The following WDFY3 variants were observed in gnomAD, a reference collection of about 807,000 sequenced individuals.
WDFY3 encodes WD repeat and FYVE domain containing 3.
WDFY3 carries 66 observed loss-of-function variants against 409.6 expected under a neutral mutation model. The ratio of observed to expected loss-of-function variants is 0.16; its 90% CI spans 0.13 to 0.20. The LOEUF is 0.20. WDFY3 is among the 10% of genes least tolerant of loss of function. The pLI, the probability that WDFY3 is intolerant of heterozygous loss-of-function variation, is 1.00. For synonymous variants in WDFY3, 1,521 were observed against 1,537.1 expected (o/e 0.99, Z 0.25); for missense variants, 3,031 against 4,298.1 (o/e 0.71, Z 8.24).
intron 49 of WDFY3, among the ~76,000 whole-genome samples, chr4:84,716,352 T>C (rs1183348351): frequency 6.9e-6 from 1 of 145,620 alleles, no homozygotes; most frequent in Non-Finnish European, 1.5e-5. Flanking sequence ...GGCAGGAGAA[T>C]GGTGTGAACC....
rs117977424 is a variant in WDFY3, at chr4:84,955,181, C to T, written c.-226+11028G>A. On this transcript the variant is annotated intron_variant, in intron 1 of 67. Coordinates refer to ENST00000295888, the MANE Select transcript of WDFY3 (RefSeq NM_014991.6). Reference sequence around the variant, plus strand: ...TTGTGCCACTGCACTCCAGCCTGGGCGACAGAACAAAACACTGTCTCAAAA... The same window carrying T: ...TTGTGCCACTGCACTCCAGCCTGGGTGACAGAACAAAACACTGTCTCAAAA... Among the ~76,000 whole-genome samples, 401 of 148,734 alleles carry T rather than the reference C, an allele frequency of 2.7e-3. 8 individuals carry two copies. The East Asian group carries it at 0.064, about 24-fold the overall frequency.
Position 84,743,814 on chromosome 4 carries a change from T to C in WDFY3, c.5974-15A>G, listed in dbSNP as rs1330885980. 1.3e-6 allele frequency: 2 copies of C among 1,553,948 alleles called. No homozygotes were observed. The highest frequency in any genetic ancestry group is 1.9e-5 in the Admixed American group (1 of 53,806). On this transcript the variant is annotated splice_polypyrimidine_tract_variant and intron_variant, in intron 36 of 67. Coordinates refer to ENST00000295888, the MANE Select transcript of WDFY3 (RefSeq NM_014991.6). ...TCAGGGGAAGCCTAATCAAGAAAAT[T>C]TAGAATTAGAAACAGAACCAACTAA... is the stretch of plus-strand genomic sequence containing the variant.
At chr4:84,719,884 T>C (rs1734561719) in intron 47 of WDFY3, among the ~76,000 whole-genome samples, 1 of 152,208 alleles carries the variant, frequency 6.6e-6, no homozygotes, top group Admixed American at 6.5e-5. Context: ...TGTATTGTCA[T>C]TCAATATTAA....
chr4:84,939,474 A>C (rs1056185587), intron 1 of WDFY3, among the ~76,000 whole-genome samples: 2 of 152,012 alleles, frequency 1.3e-5, no homozygotes, highest in African/African-American at 2.4e-5. Context: ...TTTAGTTATG[A>C]CTCTTGCCCT....
chr4:84,844,715 T>C (rs1289380803), intron 5 of WDFY3, among the ~76,000 whole-genome samples: 9 of 152,210 alleles, frequency 5.9e-5, no homozygotes, highest in Non-Finnish European at 1.0e-4. Context: ...TTTATGCAGG[T>C]AGGAATTTTC....
chr4:84,780,055 CA>C lies in WDFY3; in HGVS notation c.4365+52del, dbSNP rs1427054048. The C allele has an allele frequency of 7.5e-6, 11 of 1,460,688 alleles. No homozygotes were observed. In the East Asian group the frequency reaches 2.6e-4, roughly 35 times the overall value. 90.5% of individuals were successfully genotyped at this position (1,460,688 alleles called of 1,614,324 possible). ...AACAACATGAATGATAATAAAAAAG[CA>C]GAGTATTTTAGGTGCCAGGTGAAGT... is the stretch of plus-strand genomic sequence containing the variant. On this transcript the variant is annotated intron_variant, in intron 26 of 67. Transcript: ENST00000295888.
intron 39 of WDFY3, 142 bp from the exon 40 acceptor site, chr4:84,739,261 A>T: frequency 1.4e-6 from 1 of 736,278 alleles, no homozygotes; most frequent in Non-Finnish European, 2.2e-6. Context: ...CTAGTTTGCC[A>T]GGAAGATGCC....
chr4:84,778,760 AACACACACAT>A, intron 26 of WDFY3, 105 bp from the exon 27 acceptor site: 2 of 1,073,852 alleles, frequency 1.9e-6, no homozygotes, highest in East Asian at 2.6e-5. Context: ...TACACACACA[AACACACACAT>A]ACACACAGAA....
At chr4:84,861,705 G>C (rs575717567) in intron 3 of WDFY3, among the ~76,000 whole-genome samples, 1 of 152,172 alleles carries the variant, frequency 6.6e-6, no homozygotes, top group Non-Finnish European at 1.5e-5. Context: ...ACTGTGTACT[G>C]AATCATAATG....
chr4:84,803,605 T>G, intron 15 of WDFY3, 138 bp from the exon 16 acceptor site: 1 of 928,464 alleles, frequency 1.1e-6, no homozygotes, highest in Non-Finnish European at 1.6e-6. Context: ...AGGAATATAT[T>G]ATCAACTCGA....
intron 2 of WDFY3, among the ~76,000 whole-genome samples, chr4:84,918,931 T>C (rs2150831973): frequency 6.6e-6 from 1 of 151,672 alleles, no homozygotes; most frequent in African/African-American, 2.4e-5. Context: ...TATCCAGCAA[T>C]AACATATATA....
chr4:84,918,818 T>TATATATATAG, intron 2 of WDFY3, among the ~76,000 whole-genome samples: 1 of 117,648 alleles, frequency 8.5e-6, no homozygotes, highest in East Asian at 2.5e-4. Flanking sequence ...TGTGTGTGTA[T>TATATATATAG]ATATATATAG....
rs1365299732 is a variant in WDFY3 at position 84,834,125 on chromosome 4, T to C, written c.577-2520A>G. On this transcript the variant is annotated intron_variant, in intron 7 of 67. Transcript: ENST00000295888. ...TTGTTGGTTCTGACACTGCCTTATG[T>C]GATTAGCGAGACAAATGCCAGTTTT... Among the ~76,000 whole-genome samples, 3 of 152,216 alleles carry C rather than the reference T, an allele frequency of 2.0e-5. 1 individual carries two copies. In the South Asian group the frequency reaches 6.2e-4, roughly 31 times the overall value.
chr4:84,755,234 C>T, intron 34 of WDFY3, 32 bp downstream of exon 34: 1 of 1,595,772 alleles, frequency 6.3e-7, no homozygotes, highest in African/African-American at 1.4e-5. Context: ...AGGAGGAATT[C>T]TCAATAGGCC....
intron 5 of WDFY3, chr4:84,844,490 C>A (rs776291993): frequency 7.8e-7 from 1 of 1,289,500 alleles, no homozygotes; most frequent in South Asian, 1.2e-5. Flanking sequence ...CCTTGGGGGA[C>A]AGCAGGGCAC....
intron 33 of WDFY3, 25 bp downstream of exon 33, chr4:84,756,901 G>C: frequency 6.3e-7 from 1 of 1,597,688 alleles, no homozygotes; most frequent in Non-Finnish European, 8.6e-7. Flanking sequence ...GTAATTTCAC[G>C]CACCCCTTGC....
intron 2 of WDFY3, among the ~76,000 whole-genome samples, chr4:84,929,648 G>A (rs184183971): frequency 2.4e-4 from 36 of 152,234 alleles, no homozygotes; most frequent in Middle Eastern, 6.8e-3. Context: ...GGTGGCTCAC[G>A]CCTATAATCC....
At chr4:84,782,644 T>C (rs1307693613) in intron 25 of WDFY3, among the ~76,000 whole-genome samples, 1 of 152,214 alleles carries the variant, frequency 6.6e-6, no homozygotes, top group Non-Finnish European at 1.5e-5. Flanking sequence ...AACATTTGGT[T>C]TTCTGTTCTT....
chr4:84,852,828 G>T (rs908925544), intron 4 of WDFY3, among the ~76,000 whole-genome samples: 7 of 151,762 alleles, frequency 4.6e-5, no homozygotes. Context: ...CGCAATCATG[G>T]TTCACTGCTA....
Sources: gnomAD v4.1 joint callset for allele counts (sites outside exome capture counted in the v4.1 genomes callset) on GRCh38, gnomAD v4.1.1 for gene constraint, MANE v1.5 for transcripts, NCBI Gene and HGNC (gene_info 2026-07-23, HGNC 2026-07-21) for gene names.